LRCH1: variants seen among roughly 807,000 people sequenced by gnomAD.
LRCH1 encodes leucine rich repeats and calponin homology domain containing 1, also known as leucine-rich repeat and calponin homology domain-containing protein 1.
LRCH1 carries 23 observed loss-of-function variants against 94.9 expected under a neutral mutation model. The ratio of observed to expected loss-of-function variants is 0.24; its 90% CI spans 0.17 to 0.34. LRCH1 has a LOEUF of 0.34. Ranked by LOEUF, LRCH1 falls within the 10% of genes least tolerant of loss-of-function variation. LRCH1 has a pLI of 1.00. For missense variants in LRCH1, 790 were observed against 945.9 expected, an observed-to-expected ratio of 0.84 and a Z score of 2.16; for synonymous variants, 364 against 354.9, an observed-to-expected ratio of 1.03 and a Z score of -0.29.
intron 17 of LRCH1, among the ~76,000 whole-genome samples, chr13:46,728,594 G>T (rs547040173): frequency 6.6e-6 from 1 of 152,168 alleles, no homozygotes; most frequent in Non-Finnish European, 1.5e-5. Flanking sequence ...TATTTATCAC[G>T]CTCAAAGAGT....
At chr13:46,667,285 C>T (rs567934476) in intron 2 of LRCH1, among the ~76,000 whole-genome samples, 1 of 152,266 alleles carries the variant, frequency 6.6e-6, no homozygotes, top group South Asian at 2.1e-4. Flanking sequence ...GTTCTTTCCA[C>T]AGCACAGCAC....
rs556174883 is a variant in LRCH1, at chr13:46,588,244, A to G, written c.307+34541A>G. ...AAAATATTTTTTATTTACATAGTCA[A>G]TCTGGGATAGATTATAGTAGAAAAC... On this transcript the variant is annotated intron_variant, in intron 1 of 19. Transcript: ENST00000389797. Among the ~76,000 whole-genome samples the G allele has an allele frequency of 2.7e-4, 41 of 152,344 alleles. 1 individual carries two copies. Among genetic ancestry groups the G allele is most frequent in the African/African-American group, 9.6e-4 (40 of 41,572 alleles).
chr13:46,587,865 G>A (rs1306634293), intron 1 of LRCH1, among the ~76,000 whole-genome samples: 1 of 152,176 alleles, frequency 6.6e-6, no homozygotes, highest in Non-Finnish European at 1.5e-5. Flanking sequence ...TATACACAGT[G>A]TATGAAATTA....
intron 1 of LRCH1, among the ~76,000 whole-genome samples, chr13:46,595,486 G>A (rs2050551015): frequency 6.6e-6 from 1 of 152,182 alleles, no homozygotes; most frequent in Non-Finnish European, 1.5e-5. Flanking sequence ...TTTTCACTTG[G>A]TGATGGATAT....
chr13:46,700,429 G>A (rs1448936619), intron 10 of LRCH1, among the ~76,000 whole-genome samples: 1 of 152,192 alleles, frequency 6.6e-6, no homozygotes, highest in Non-Finnish European at 1.5e-5. Context: ...GCTGCTGAGA[G>A]CCACGGAGGC....
intron 1 of LRCH1, among the ~76,000 whole-genome samples, chr13:46,619,328 C>G (rs912361111): frequency 3.3e-5 from 5 of 152,104 alleles, no homozygotes; most frequent in African/African-American, 1.2e-4. Flanking sequence ...CCAGGCTGGT[C>G]TCGGACTCTT....
At chr13:46,592,210 G>A (rs535983136) in intron 1 of LRCH1, among the ~76,000 whole-genome samples, 5 of 152,250 alleles carry the variant, frequency 3.3e-5, no homozygotes, top group Admixed American at 6.5e-5. Context: ...ACTTTGGATT[G>A]ATCATTTTTG....
intron 1 of LRCH1, among the ~76,000 whole-genome samples, chr13:46,560,688 C>T (rs1007424754): frequency 2.6e-5 from 4 of 151,754 alleles, no homozygotes; most frequent in Non-Finnish European, 4.4e-5. Context: ...GTTTTTGCAT[C>T]AGAATTTTGC....
intron 9 of LRCH1, among the ~76,000 whole-genome samples, chr13:46,696,544 C>T (rs1487415018): frequency 6.6e-6 from 1 of 152,154 alleles, no homozygotes; most frequent in East Asian, 1.9e-4. Flanking sequence ...TCAGAGATTT[C>T]AAGGACTTCC....
At chr13:46,727,901 ATTTC>A (rs71077919) in intron 17 of LRCH1, among the ~76,000 whole-genome samples, 30 of 148,644 alleles carry the variant, frequency 2.0e-4, no homozygotes, top group African/African-American at 4.7e-4. Context: ...AGAGAAAAAC[ATTTC>A]TTTCTTTCTT....
At chr13:46,597,679 A>G (rs533953924) in intron 1 of LRCH1, among the ~76,000 whole-genome samples, 1 of 152,248 alleles carries the variant, frequency 6.6e-6, no homozygotes, top group East Asian at 1.9e-4. Flanking sequence ...TTTAAGTGCA[A>G]GAAGGCTGTG....
intron 3 of LRCH1, among the ~76,000 whole-genome samples, chr13:46,681,492 G>A (rs944300205): frequency 6.6e-6 from 1 of 152,202 alleles, no homozygotes; most frequent in Admixed American, 6.5e-5. Flanking sequence ...GCAGGCCAGA[G>A]GCTGGTGAAG....
intron 1 of LRCH1, among the ~76,000 whole-genome samples, chr13:46,614,837 C>T (rs995105688): frequency 2.6e-5 from 4 of 152,054 alleles, no homozygotes; most frequent in Non-Finnish European, 4.4e-5. Context: ...CATTTTGTCC[C>T]ATGAGGAGAG....
intron 1 of LRCH1, among the ~76,000 whole-genome samples, chr13:46,574,979 G>T (rs2050287342): frequency 1.3e-5 from 2 of 152,144 alleles, no homozygotes; most frequent in East Asian, 3.9e-4. Flanking sequence ...TTTACATGAT[G>T]TATCTATAAG....
At chr13:46,597,183 C>T (rs953120714) in intron 1 of LRCH1, among the ~76,000 whole-genome samples, 18 of 152,070 alleles carry the variant, frequency 1.2e-4, no homozygotes, top group Non-Finnish European at 2.1e-4. Context: ...TACACGTACC[C>T]GGTGGAGGTT....
intron 18 of LRCH1, among the ~76,000 whole-genome samples, chr13:46,750,137 C>G (rs17068800): frequency 1.3e-5 from 2 of 151,992 alleles, no homozygotes; most frequent in Non-Finnish European, 2.9e-5. Context: ...AATGTGTGGT[C>G]GGTACAAATG....
chr13:46,746,989 C>T (rs905775692), downstream of LRCH1, among the ~76,000 whole-genome samples: 3 of 152,166 alleles, frequency 2.0e-5, no homozygotes, highest in Admixed American at 6.5e-5. Context: ...ACCAGAATGG[C>T]CATGCTTGTA....
chr13:46,623,496 C>G (rs2050904763), intron 1 of LRCH1, among the ~76,000 whole-genome samples: 1 of 151,976 alleles, frequency 6.6e-6, no homozygotes, highest in Admixed American at 6.6e-5. Context: ...CTCTAGCTTC[C>G]TTTATAAAGT....
intron 1 of LRCH1, among the ~76,000 whole-genome samples, chr13:46,556,439 T>C (rs920926079): frequency 6.6e-6 from 1 of 152,210 alleles, no homozygotes; most frequent in Non-Finnish European, 1.5e-5. Context: ...ATAAGTTTTG[T>C]TGTCAGAGTC....
Sources: allele counts gnomAD v4.1 joint callset (sites outside exome capture counted in the v4.1 genomes callset), GRCh38; gene constraint gnomAD v4.1.1; transcripts MANE v1.5; gene names NCBI Gene and HGNC (gene_info 2026-07-23, HGNC 2026-07-21).